Variants in MBD5 observed in about 807,000 individuals in gnomAD.
MBD5 encodes the protein methyl-CpG binding domain protein 5.
MBD5 carries 13 observed loss-of-function variants against 117.3 expected under a neutral mutation model. The observed-to-expected ratio is 0.11, with a 90% CI of 0.07 to 0.18. The LOEUF (loss-of-function observed/expected upper bound fraction) is 0.18. Among genes scored for constraint, MBD5 ranks in the 10% least tolerant of loss-of-function variants. The probability of loss-of-function intolerance (pLI) is 1.00; values close to 1 mark genes in which losing one functional copy is unlikely to be tolerated. For missense variants in MBD5, 1,879 were observed against 2,093.8 expected, an observed-to-expected ratio of 0.90 and a Z score of 2.00; for synonymous variants, 727 against 766.4, an observed-to-expected ratio of 0.95 and a Z score of 0.85.
intron 1 of MBD5, among the ~76,000 whole-genome samples, chr2:148,168,507 A>C (rs1698181654): frequency 6.6e-6 from 1 of 152,226 alleles, no homozygotes; most frequent in African/African-American, 2.4e-5. Context: ...GAAAGTCATG[A>C]AAATGATAAA....
intron 1 of MBD5, among the ~76,000 whole-genome samples, chr2:148,066,069 C>T (rs914981806): frequency 5.3e-5 from 8 of 152,080 alleles, no homozygotes; most frequent in Non-Finnish European, 2.9e-5. Flanking sequence ...AATCCCAGCA[C>T]TTAAGGAGGC....
At chr2:148,369,572 C>A (rs115637962) in intron 4 of MBD5, among the ~76,000 whole-genome samples, 86 of 152,226 alleles carry the variant, frequency 5.6e-4, no homozygotes, top group Non-Finnish European at 9.1e-4. Flanking sequence ...ATTGAGGAAT[C>A]TGGATAAAGA....
intron 3 of MBD5, among the ~76,000 whole-genome samples, chr2:148,266,335 A>T (rs1700859888): frequency 6.6e-6 from 1 of 152,082 alleles, no homozygotes; most frequent in Non-Finnish European, 1.5e-5. Context: ...CATTCAATAA[A>T]ATTGAACAAT....
intron 3 of MBD5, among the ~76,000 whole-genome samples, chr2:148,283,900 G>C (rs1245460220): frequency 6.6e-6 from 1 of 152,120 alleles, no homozygotes; most frequent in Non-Finnish European, 1.5e-5. Context: ...AAAAATCAAA[G>C]CAATATTAGA....
intron 1 of MBD5, among the ~76,000 whole-genome samples, chr2:148,082,857 G>A (rs910285989): frequency 4.6e-5 from 7 of 152,170 alleles, no homozygotes; most frequent in East Asian, 1.9e-4. Flanking sequence ...AACAAAATAC[G>A]TAGGTTATCC....
intron 3 of MBD5, among the ~76,000 whole-genome samples, chr2:148,294,350 G>A (rs540465322): frequency 3.3e-5 from 5 of 150,128 alleles, no homozygotes; most frequent in Non-Finnish European, 7.4e-5. Flanking sequence ...TCAGCCTCCC[G>A]AGTAGCTGGG....
chr2:148,411,542 T>C (rs1705250687), intron 4 of MBD5, among the ~76,000 whole-genome samples: 1 of 112,000 alleles, frequency 8.9e-6, no homozygotes, highest in Admixed American at 1.1e-4. Context: ...TTTGTAGTAA[T>C]TGCCATTCTG....
chr2:148,169,260 G>C (rs1232261825), intron 1 of MBD5, among the ~76,000 whole-genome samples: 1 of 151,854 alleles, frequency 6.6e-6, no homozygotes, highest in Admixed American at 6.6e-5. Flanking sequence ...TCTCAACCTT[G>C]AATTCTTGAT....
chr2:148,275,686 T>C (rs943967358), intron 3 of MBD5, among the ~76,000 whole-genome samples: 1 of 152,166 alleles, frequency 6.6e-6, no homozygotes, highest in African/African-American at 2.4e-5. Flanking sequence ...CAGCAACATT[T>C]AGACTGGTGT....
intron 3 of MBD5, among the ~76,000 whole-genome samples, chr2:148,332,667 G>A (rs1702689514): frequency 6.6e-6 from 1 of 152,064 alleles, no homozygotes; most frequent in Non-Finnish European, 1.5e-5. Flanking sequence ...AAGATAGTCT[G>A]ATTTCTGTTT....
chr2:148,334,877 G>A (rs1455043067), intron 3 of MBD5, among the ~76,000 whole-genome samples: 3 of 152,088 alleles, frequency 2.0e-5, no homozygotes, highest in Non-Finnish European at 4.4e-5. Flanking sequence ...CTTGTACTCA[G>A]TCTCAGGGTA....
At chr2:148,303,991 T>A (rs1412921195) in intron 3 of MBD5, among the ~76,000 whole-genome samples, 1 of 152,168 alleles carries the variant, frequency 6.6e-6, no homozygotes, top group African/African-American at 2.4e-5. Flanking sequence ...CTAACGCTGA[T>A]GAACTGAGCC....
rs747021450 is a variant in MBD5 at position 148,119,563 on chromosome 2, TAA to T, written c.-924-59135_-924-59134del. Among the ~76,000 whole-genome samples, 12 of 152,328 alleles carry T rather than the reference TAA, an allele frequency of 7.9e-5. 2 individuals carry two copies. In the South Asian group the frequency reaches 2.1e-3, roughly 26 times the overall value. On this transcript the variant is annotated intron_variant, in intron 1 of 13. Coordinates refer to ENST00000642680, the MANE Select transcript of MBD5 (RefSeq NM_001378120.1). ...TTACTTGTGCTTTTGGTGACATACC[TAA>T]AGAGTTCTTTGCCTAACCTAAGGTC...
At chr2:148,471,349 T>C (rs1680789948) in intron 8 of MBD5, 4 of 152,166 alleles carry the variant, frequency 2.6e-5, no homozygotes, top group Admixed American at 2.6e-4. Context: ...GTAAATGTGT[T>C]GAGGCATCAG....
chr2:148,248,673 A>G (rs933109614), intron 3 of MBD5, among the ~76,000 whole-genome samples: 1 of 152,120 alleles, frequency 6.6e-6, no homozygotes, highest in Non-Finnish European at 1.5e-5. Context: ...ATGAGATTAA[A>G]GATAATGATA....
intron 1 of MBD5, among the ~76,000 whole-genome samples, chr2:148,029,174 T>C (rs1693975057): frequency 6.6e-6 from 1 of 152,140 alleles, no homozygotes; most frequent in Non-Finnish European, 1.5e-5. Flanking sequence ...AGAATACTTT[T>C]TTTAAAATTT....
chr2:148,424,683 T>A (rs1013434825), intron 4 of MBD5, among the ~76,000 whole-genome samples: 3 of 152,074 alleles, frequency 2.0e-5, no homozygotes, highest in African/African-American at 4.8e-5. Context: ...TAACAAACAG[T>A]CTCTCAGACC....
chr2:148,423,092 T>A (rs1022322896), intron 4 of MBD5, among the ~76,000 whole-genome samples: 1 of 152,056 alleles, frequency 6.6e-6, no homozygotes, highest in Non-Finnish European at 1.5e-5. Flanking sequence ...ACCACAAAGA[T>A]ACTCCTCGAG....
chr2:148,345,480 TATACATATGTATATACAC>T (rs1441199073), intron 4 of MBD5, among the ~76,000 whole-genome samples: 1 of 66,306 alleles, frequency 1.5e-5, no homozygotes, highest in Admixed American at 1.2e-4. Context: ...TACACATACA[TATACATATGTATATACAC>T]ATACATATAC....
Sources: allele counts gnomAD v4.1 joint callset (sites outside exome capture counted in the v4.1 genomes callset), GRCh38; gene constraint gnomAD v4.1.1; transcripts MANE v1.5; gene names NCBI Gene and HGNC (gene_info 2026-07-23, HGNC 2026-07-21).